Variants in VRK2 observed in about 807,000 individuals in gnomAD.
VRK2 encodes serine/threonine-protein kinase VRK2.
Under a neutral mutation model 57.6 loss-of-function variants are expected in VRK2, and 60 were observed. That is an observed-to-expected ratio of 1.04 (90% CI 0.85 to 1.29). The LOEUF (loss-of-function observed/expected upper bound fraction) is 1.29, where lower values mean the gene tolerates loss of function less well. VRK2 is among the 50% of genes most tolerant of loss of function. The probability of loss-of-function intolerance (pLI) is 0.00; values close to 1 mark genes in which losing one functional copy is unlikely to be tolerated. For missense variants in VRK2, 705 were observed against 588.1 expected (o/e 1.20, Z -2.06); for synonymous variants, 231 against 199.2 (o/e 1.16, Z -1.35).
At chr2:58,119,494 A>AG (rs1553414107) in intron 7 of VRK2, among the ~76,000 whole-genome samples, 53 of 150,214 alleles carry the variant, frequency 3.5e-4, no homozygotes, top group Non-Finnish European at 6.7e-4. Flanking sequence ...AAAAAAAAAA[A>AG]GCTTTTAGCA....
intron 3 of VRK2, among the ~76,000 whole-genome samples, chr2:58,035,746 A>T (rs2103707135): frequency 6.6e-6 from 1 of 152,174 alleles, no homozygotes; most frequent in African/African-American, 2.4e-5. Flanking sequence ...AAGCTCCATG[A>T]TGTATGAAAG....
intron 11 of VRK2, among the ~76,000 whole-genome samples, chr2:58,143,630 G>C (rs72810350): frequency 0.082 from 12,453 of 151,640 alleles, 537 homozygotes; most frequent in Admixed American, 0.087. Context: ...GGCTCCCAGG[G>C]CAAAAACTCT....
intron 1 of VRK2, among the ~76,000 whole-genome samples, chr2:57,991,422 T>C (rs781008025): frequency 6.6e-6 from 1 of 150,964 alleles, no homozygotes; most frequent in East Asian, 1.9e-4. Flanking sequence ...TCGTGAAGAA[T>C]CTGGATATAG....
At chr2:58,022,157 T>C (rs1242713456) in intron 1 of VRK2, among the ~76,000 whole-genome samples, 1 of 152,184 alleles carries the variant, frequency 6.6e-6, no homozygotes, top group Non-Finnish European at 1.5e-5. Flanking sequence ...ATCTCAATCA[T>C]GAGGTCAGGC....
intron 8 of VRK2, among the ~76,000 whole-genome samples, chr2:58,128,642 T>A (rs1678719865): frequency 6.6e-6 from 1 of 152,160 alleles, no homozygotes; most frequent in Admixed American, 6.5e-5. Context: ...ACAAAGTAAT[T>A]GCAAGATTGA....
chr2:57,939,576 T>C (rs1212217287), intron 1 of VRK2, among the ~76,000 whole-genome samples: 1 of 152,162 alleles, frequency 6.6e-6, no homozygotes, highest in African/African-American at 2.4e-5. Context: ...TATGTTTTTT[T>C]CCACAAAAAG....
chr2:58,013,928 A>T (rs1673495648), intron 1 of VRK2, among the ~76,000 whole-genome samples: 1 of 151,924 alleles, frequency 6.6e-6, no homozygotes, highest in Non-Finnish European at 1.5e-5. Context: ...TATTCATAAT[A>T]ATTTCATATT....
intron 11 of VRK2, among the ~76,000 whole-genome samples, chr2:58,140,665 GA>G (rs1681200737): frequency 6.6e-6 from 1 of 152,020 alleles, no homozygotes; most frequent in Non-Finnish European, 1.5e-5. Flanking sequence ...GCTGCTAGAT[GA>G]ATGGTGAGTC....
intron 1 of VRK2, among the ~76,000 whole-genome samples, chr2:58,016,874 A>G (rs2103661685): frequency 6.6e-6 from 1 of 152,274 alleles, no homozygotes; most frequent in Non-Finnish European, 1.5e-5. Context: ...TCATACCTGA[A>G]ACTACCAAAT....
intron 1 of VRK2, among the ~76,000 whole-genome samples, chr2:57,922,787 A>AATT (rs1200310291): frequency 1.3e-5 from 2 of 151,928 alleles, no homozygotes; most frequent in African/African-American, 4.8e-5. Flanking sequence ...ATACATAATA[A>AATT]ATTATTGTCG....
intron 1 of VRK2, among the ~76,000 whole-genome samples, chr2:58,020,931 G>T (rs1161430494): frequency 2.6e-5 from 4 of 151,988 alleles, no homozygotes; most frequent in Admixed American, 2.6e-4. Context: ...AGAGTGTTTG[G>T]ACCCATTCTC....
At chr2:57,982,107 G>T (rs989900584) in intron 1 of VRK2, among the ~76,000 whole-genome samples, 1 of 152,164 alleles carries the variant, frequency 6.6e-6, no homozygotes, top group African/African-American at 2.4e-5. Context: ...TGTGGTATAA[G>T]TTGGATTTAG....
rs140491467 is a variant in VRK2 at position 58,125,551 on chromosome 2, T to G, written c.676+2318T>G. Among the ~76,000 whole-genome samples the G allele has an allele frequency of 1.6e-4, 24 of 152,142 alleles. No individual in the cohort carries two copies. The East Asian group carries it at 4.4e-3, about 28-fold the overall frequency. On this transcript the variant is annotated intron_variant, in intron 8 of 12. Coordinates refer to ENST00000340157, the MANE Select transcript of VRK2 (RefSeq NM_006296.7). ...GGTATATTCAGGGAAGAACCTACATTAAATATTTTTGGGATTTGCTGAAAA... is the reference window on the plus strand; with the variant it reads ...GGTATATTCAGGGAAGAACCTACATGAAATATTTTTGGGATTTGCTGAAAA...
chr2:58,053,246 C>A (rs1258168435), intron 2 of VRK2, among the ~76,000 whole-genome samples: 1 of 152,186 alleles, frequency 6.6e-6, no homozygotes, highest in African/African-American at 2.4e-5. Flanking sequence ...ATTGACAGGA[C>A]ATCAGTAGCA....
At chr2:58,041,436 C>T (rs771677329) in intron 3 of VRK2, among the ~76,000 whole-genome samples, 1 of 151,990 alleles carries the variant, frequency 6.6e-6, no homozygotes, top group Non-Finnish European at 1.5e-5. Context: ...GTATGCATAC[C>T]CTCTGCCCTT....
chr2:57,986,904 TG>T (rs1672612740), intron 1 of VRK2, among the ~76,000 whole-genome samples: 1 of 152,168 alleles, frequency 6.6e-6, no homozygotes, highest in South Asian at 2.1e-4. Context: ...CAGCCTCAAT[TG>T]ATTTTTGACA....
At chr2:57,996,054 T>G (rs1207646082) in intron 1 of VRK2, among the ~76,000 whole-genome samples, 1 of 152,152 alleles carries the variant, frequency 6.6e-6, no homozygotes, top group Non-Finnish European at 1.5e-5. Context: ...TTATAAAACA[T>G]TTACATTGCA....
At chr2:58,054,019 TACAG>T (rs896650930) in intron 2 of VRK2, among the ~76,000 whole-genome samples, 3 of 152,142 alleles carry the variant, frequency 2.0e-5, no homozygotes, top group African/African-American at 7.2e-5. Flanking sequence ...TTGTTGGACT[TACAG>T]ACAAGAAATA....
chr2:58,052,975 T>C (rs780824228), intron 2 of VRK2, among the ~76,000 whole-genome samples: 16 of 152,232 alleles, frequency 1.1e-4, no homozygotes, highest in African/African-American at 3.6e-4. Flanking sequence ...TGTAGCAGTT[T>C]TAGTTTTTTG....
Sources: gnomAD v4.1 joint callset for allele counts (sites outside exome capture counted in the v4.1 genomes callset) on GRCh38, gnomAD v4.1.1 for gene constraint, MANE v1.5 for transcripts, NCBI Gene and HGNC (gene_info 2026-07-23, HGNC 2026-07-21) for gene names.